TRHDE: variants seen among roughly 807,000 people sequenced by gnomAD.
TRHDE encodes the protein thyrotropin-releasing hormone-degrading ectoenzyme.
A neutral mutation model predicts 125.7 loss-of-function variants in TRHDE; 72 were observed. The ratio of observed to expected loss-of-function variants is 0.57; its 90% CI spans 0.47 to 0.70. The LOEUF is 0.70. Ranked by LOEUF, TRHDE falls within the 30% of genes least tolerant of loss-of-function variation. The pLI is 0.00. For missense variants in TRHDE, 1,110 were observed against 1,327.1 expected (o/e 0.84, Z 2.54); for synonymous variants, 509 against 509.1 (o/e 1.00, Z 0.00).
At chr12:72,122,631 TAACTC>T (rs1296292071) in intron 2 of TRHDE, among the ~76,000 whole-genome samples, 3 of 152,134 alleles carry the variant, frequency 2.0e-5, no homozygotes, top group Non-Finnish European at 4.4e-5. Flanking sequence ...AACTGGTAGT[TAACTC>T]AAAACACTTA....
At chr12:72,417,747 A>C (rs1489860508) in intron 3 of TRHDE, among the ~76,000 whole-genome samples, 1 of 152,024 alleles carries the variant, frequency 6.6e-6, no homozygotes, top group Non-Finnish European at 1.5e-5. Flanking sequence ...TAACCAACTA[A>C]ATAAGCCTTA....
chr12:72,246,782 A>G (rs1399057315), intron 2 of TRHDE, among the ~76,000 whole-genome samples: 3 of 152,202 alleles, frequency 2.0e-5, no homozygotes, highest in Non-Finnish European at 4.4e-5. Flanking sequence ...AAACTTTTCC[A>G]ACAAATTGTT....
chr12:72,216,790 A>G (rs756306065), intron 2 of TRHDE, among the ~76,000 whole-genome samples: 15 of 152,148 alleles, frequency 9.9e-5, no homozygotes, highest in Non-Finnish European at 1.8e-4. Context: ...ATTTGCATTC[A>G]TTTCACTTCA....
intron 2 of TRHDE, among the ~76,000 whole-genome samples, chr12:72,290,018 G>A (rs149176554): frequency 6.6e-6 from 1 of 152,306 alleles, no homozygotes; most frequent in Non-Finnish European, 1.5e-5. Context: ...AATAATTGTG[G>A]TTTAGGAACA....
At chr12:72,460,807 C>T (rs1353821842) in intron 3 of TRHDE, among the ~76,000 whole-genome samples, 1 of 151,882 alleles carries the variant, frequency 6.6e-6, no homozygotes, top group African/African-American at 2.4e-5. Flanking sequence ...AAAAAATGCA[C>T]AATATGATGG....
intron 1 of TRHDE, among the ~76,000 whole-genome samples, chr12:72,284,374 C>A (rs1879804791): frequency 6.6e-6 from 1 of 151,950 alleles, no homozygotes; most frequent in African/African-American, 2.4e-5. Flanking sequence ...TTTTAAATAG[C>A]CTCAGTGAAA....
chr12:72,100,951 G>A (rs1393487240), intron 1 of TRHDE, among the ~76,000 whole-genome samples: 2 of 152,174 alleles, frequency 1.3e-5, no homozygotes, highest in Non-Finnish European at 2.9e-5. Context: ...CATATTCTGG[G>A]TCTTCTGGAT....
rs1350372398 is a variant in TRHDE, at chr12:72,378,226, A to G, written c.1315+105A>G. 6 of 1,148,200 alleles carry G rather than the reference A, an allele frequency of 5.2e-6. No individual in the cohort carries two copies. In the Admixed American group the frequency reaches 1.7e-4, roughly 32 times the overall value. 71.1% of individuals were successfully genotyped at this position (1,148,200 alleles called of 1,614,324 possible). A position where few individuals can be genotyped will look rare whatever the true frequency, so the allele number is the denominator to read the frequency against. On this transcript the variant is annotated intron_variant, in intron 3 of 18. Transcript: ENST00000261180. ...CAGAAGCATGAAAATTCTGAGATTT[A>G]TATTTTTAGAGAAGATAAGCACAAA...
At chr12:72,321,187 T>A (rs181946180) in intron 2 of TRHDE, among the ~76,000 whole-genome samples, 48 of 152,204 alleles carry the variant, frequency 3.2e-4, no homozygotes, top group African/African-American at 1.1e-3. Flanking sequence ...AAGAGCAAAA[T>A]GGCAGTTGAC....
chr12:72,458,831 A>G (rs1174282205), intron 3 of TRHDE, among the ~76,000 whole-genome samples: 2 of 152,126 alleles, frequency 1.3e-5, no homozygotes, highest in African/African-American at 4.8e-5. Flanking sequence ...GGCATTCTCT[A>G]AGGAAGCTTT....
At chr12:72,101,476 C>T (rs142892638) in intron 1 of TRHDE, among the ~76,000 whole-genome samples, 1 of 152,268 alleles carries the variant, frequency 6.6e-6, no homozygotes, top group African/African-American at 2.4e-5. Context: ...GAACAAGAAG[C>T]TTTCTGCCAA....
intron 2 of TRHDE, among the ~76,000 whole-genome samples, chr12:72,319,771 G>A (rs1868990617): frequency 6.6e-6 from 1 of 152,094 alleles, no homozygotes; most frequent in Non-Finnish European, 1.5e-5. Context: ...TTTTGATATT[G>A]TGGAGAATCT....
intron 3 of TRHDE, among the ~76,000 whole-genome samples, chr12:72,417,481 T>C (rs895479235): frequency 6.6e-5 from 10 of 152,000 alleles, no homozygotes; most frequent in Admixed American, 1.3e-4. Flanking sequence ...TGTAAAACAA[T>C]TGTGTTTTGC....
Position 72,102,359 on chromosome 12 carries a change from C to T in TRHDE, n.175-3289C>T, listed in dbSNP as rs115804749. Among the ~76,000 whole-genome samples, 471 of 152,214 alleles carry T rather than the reference C, an allele frequency of 3.1e-3. 2 individuals are homozygous for T. Among genetic ancestry groups the T allele is most frequent in the African/African-American group, 0.01 (428 of 41,548 alleles). ...TTCAGTCATACAAAGACTCTCCACA[C>T]GTGGCAGAGGGATTTGGCTCCAGGA... On this transcript the variant is annotated intron_variant and non_coding_transcript_variant, in intron 1 of 4. Coordinates refer to the TRHDE transcript ENST00000548156.
At chr12:72,629,759 T>C (rs1479351284) in intron 15 of TRHDE, among the ~76,000 whole-genome samples, 6 of 151,614 alleles carry the variant, frequency 4.0e-5, no homozygotes, top group African/African-American at 1.5e-4. Context: ...AAAGAAGAGA[T>C]TTCCTTCACA....
At chr12:72,365,208 A>T (rs1044922870) in intron 2 of TRHDE, among the ~76,000 whole-genome samples, 4 of 152,158 alleles carry the variant, frequency 2.6e-5, no homozygotes, top group Admixed American at 2.0e-4. Flanking sequence ...AACATGATAC[A>T]TATTTTCCCT....
At chr12:72,394,018 A>C (rs370269223) in intron 3 of TRHDE, among the ~76,000 whole-genome samples, 1 of 152,188 alleles carries the variant, frequency 6.6e-6, no homozygotes, top group African/African-American at 2.4e-5. Flanking sequence ...GGCTCATACA[A>C]ACATAGGTAT....
intron 5 of TRHDE, among the ~76,000 whole-genome samples, chr12:72,493,973 G>A (rs1313325030): frequency 2.0e-5 from 3 of 151,828 alleles, no homozygotes; most frequent in African/African-American, 4.8e-5. Flanking sequence ...ATTTGTTTTC[G>A]CCTTTGTTCT....
chr12:72,581,072 A>G (rs895658748), intron 12 of TRHDE, among the ~76,000 whole-genome samples: 2 of 152,206 alleles, frequency 1.3e-5, no homozygotes, highest in African/African-American at 4.8e-5. Context: ...AGTATAAACT[A>G]GAGAATAAAC....
Sources: gnomAD v4.1 joint callset for allele counts (sites outside exome capture counted in the v4.1 genomes callset) on GRCh38, gnomAD v4.1.1 for gene constraint, MANE v1.5 for transcripts, NCBI Gene and HGNC (gene_info 2026-07-23, HGNC 2026-07-21) for gene names.